Variants in PEG3 observed in about 807,000 individuals in gnomAD.
The protein encoded by PEG3 is paternally-expressed gene 3 protein.
In PEG3, 23 loss-of-function variants were observed where a neutral mutation model predicts 35.5. The ratio of observed to expected loss-of-function variants is 0.65; its 90% CI spans 0.47 to 0.92. PEG3 has a LOEUF of 0.92. Among genes scored for constraint, PEG3 ranks in the 40% least tolerant of loss-of-function variants. The pLI is 0.00. For missense variants in PEG3, 1,960 were observed against 1,985.3 expected, an observed-to-expected ratio of 0.99 and a Z score of 0.24; for synonymous variants, 707 against 697.0, an observed-to-expected ratio of 1.01 and a Z score of -0.23.
In PEG3 at chr19:56,816,006, A is replaced by G. The variant is rs761056901; in HGVS notation, c.2436T>C (p.Ala812=). 1 of 1,587,996 alleles carries G rather than the reference A, an allele frequency of 6.3e-7. No individual in the cohort carries two copies. ...MAESTIQSFD[A]INHQRVRAGG... is the part of the protein sequence containing the mutation. Reference sequence around the variant, plus strand: ...CAGCACGAACTCTCTGATGGTTGATAGCATCGAAGCTCTGAATGGTAGACT... The same window carrying G: ...CAGCACGAACTCTCTGATGGTTGATGGCATCGAAGCTCTGAATGGTAGACT... The change falls in exon 10 of 10, where the codon GCT becomes GCC. Residue 812 remains alanine, a synonymous_variant. Coordinates refer to ENST00000326441, the MANE Select transcript of PEG3 (RefSeq NM_006210.3).
intron 2 of PEG3, among the ~76,000 whole-genome samples, chr19:56,828,462 A>G (rs1268361765): frequency 6.6e-6 from 1 of 152,222 alleles, no homozygotes; most frequent in Non-Finnish European, 1.5e-5. Flanking sequence ...ATACAGTTCA[A>G]AAGTGTGTTC....
chr19:56,822,836 C>T lies in PEG3; in HGVS notation c.482G>A (p.Ser161Asn). 1 of 1,613,264 alleles carries T rather than the reference C, an allele frequency of 6.2e-7. No homozygotes were observed. The highest frequency in any genetic ancestry group is 8.5e-7 in the Non-Finnish European group (1 of 1,179,652). The change falls in exon 6 of 10, where the codon AGT becomes AAT. Residue 161 changes from serine (S) to asparagine (N), a missense_variant and splice_region_variant. Ser to Asn is a conservative substitution (Grantham distance 46). This residue lies in a region of PEG3 where 613 missense variants were observed against 577.1 expected (regional missense o/e 1.06). Coordinates refer to ENST00000326441, the MANE Select transcript of PEG3 (RefSeq NM_006210.3). The part of the protein sequence containing the change: ...SSPPHSVHSF[S>N]DRDWDRRGRS... ...GCCCCTCCGGTCCCAGTCCCGGTCA[C>T]CTAAGCAGGTGAGACATTCCAGTGG...
intron 2 of PEG3, among the ~76,000 whole-genome samples, chr19:56,832,803 A>G (rs908889460): frequency 1.3e-5 from 2 of 152,326 alleles, no homozygotes; most frequent in East Asian, 1.9e-4. Flanking sequence ...ATGTCTAAAC[A>G]TGAAACCTCT....
chr19:56,828,711 T>C (rs911880517), intron 2 of PEG3, among the ~76,000 whole-genome samples: 1 of 152,196 alleles, frequency 6.6e-6, no homozygotes, highest in Non-Finnish European at 1.5e-5. Flanking sequence ...CTTTTGGCAT[T>C]AGGAAAAATA....
At chr19:56,820,370 CT>C (rs576106556) in intron 7 of PEG3, among the ~76,000 whole-genome samples, 114 of 152,344 alleles carry the variant, frequency 7.5e-4, no homozygotes, top group Middle Eastern at 6.8e-3. Flanking sequence ...AGCTTCCAGA[CT>C]TTTAATTATG....
intron 2 of PEG3, among the ~76,000 whole-genome samples, chr19:56,834,833 G>A (rs1332800667): frequency 6.6e-6 from 1 of 152,078 alleles, no homozygotes; most frequent in African/African-American, 2.4e-5. Flanking sequence ...TCTTGTGATG[G>A]GAGTTTCCAT....
At chr19:56,820,171 T>C (rs1339765472) in intron 7 of PEG3, among the ~76,000 whole-genome samples, 1 of 152,250 alleles carries the variant, frequency 6.6e-6, no homozygotes, top group African/African-American at 2.4e-5. Context: ...ATGGAAGAGA[T>C]GCTGTTCTGA....
chr19:56,812,243 A>C lies in PEG3; in HGVS notation c.*1432T>G. The C allele has an allele frequency of 1.0e-6, 1 of 977,960 alleles. No homozygotes were observed. Among genetic ancestry groups the C allele is most frequent in the Non-Finnish European group, 1.2e-6 (1 of 823,202 alleles). The allele number at this position is 977,960 out of a possible 1,614,324, so 60.6% of individuals were successfully genotyped here. A position where few individuals can be genotyped will look rare whatever the true frequency, so the allele number is the denominator to read the frequency against. On this transcript the variant is annotated 3_prime_UTR_variant, in exon 10 of 10. Transcript: ENST00000326441. ...GCACAGGTAGTCCACAGAATAGGAC[A>C]CAAGAAACCTCAAGCTGTGAGGTCA...
At position 56,816,439 on chromosome 19, in the gene PEG3, G is replaced by T. The variant is rs762427851; in HGVS notation, c.2003C>A (p.Pro668His). Reference sequence around the variant, plus strand: ...CTGACGCCTTTTAAGGGACTGACCAGGAATAAAGGTTTCCTCACACACTTT... The same window carrying T: ...CTGACGCCTTTTAAGGGACTGACCATGAATAAAGGTTTCCTCACACACTTT... ...KGKVCEETFIPGQSLKRRQKT... is the reference protein window; with the variant it reads ...KGKVCEETFIHGQSLKRRQKT... The change falls in exon 10 of 10, where the codon CCT (proline) becomes CAT (histidine). Residue 668 changes from proline (P) to histidine (H), a missense_variant. By Grantham distance (77) the Pro-to-His change is moderately conservative (BLOSUM62 -2). This residue lies in a region of PEG3 where 798 missense variants were observed against 782.4 expected (regional missense o/e 1.02). Transcript: ENST00000326441. 2 of 1,614,010 alleles carry T rather than the reference G, an allele frequency of 1.2e-6. No homozygotes were observed. The highest frequency in any genetic ancestry group is 1.7e-6 in the Non-Finnish European group (2 of 1,179,946).
At position 56,814,472 on chromosome 19, in the gene PEG3, G is replaced by C. The variant is rs766736793; in HGVS notation, c.3970C>G (p.Pro1324Ala). 2.5e-6 allele frequency: 4 copies of C among 1,613,232 alleles called. No homozygotes were observed. In the Admixed American group the frequency reaches 6.7e-5, roughly 27 times the overall value. Residue 1324 changes from proline to alanine, a missense_variant, in exon 10 of 10, where the codon CCC becomes GCC. Transcript: ENST00000326441. This position sits in a 1 kb window ranked among gnomAD's most constrained non-coding sequence, Gnocchi z 5.8. ...TAGAATGGTATAGCTCCTTTGAGGG[G>C]CTCAGTAAGAAATGAGGTGTGAGTA... ...SYTHTSFLTE[P>A]LKGAIPFYEC...
intron 1 of PEG3, among the ~76,000 whole-genome samples, chr19:56,840,062 G>C: frequency 6.6e-6 from 1 of 152,194 alleles, no homozygotes; most frequent in East Asian, 1.9e-4. Flanking sequence ...GCACGCCGGC[G>C]CCGCGAGGCC....
At chr19:56,826,122 T>C (rs947856851) in intron 3 of PEG3, among the ~76,000 whole-genome samples, 2 of 152,124 alleles carry the variant, frequency 1.3e-5, no homozygotes, top group East Asian at 1.9e-4. Context: ...ACATAGATAA[T>C]GCTCTGCTGG....
At chr19:56,829,153 C>A (rs1245259468) in intron 2 of PEG3, among the ~76,000 whole-genome samples, 1 of 151,980 alleles carries the variant, frequency 6.6e-6, no homozygotes, top group East Asian at 1.9e-4. Flanking sequence ...GAGTTCGAGA[C>A]CAGCCTGGCC....
At chr19:56,829,219 C>A (rs1322652313) in intron 2 of PEG3, among the ~76,000 whole-genome samples, 1 of 151,624 alleles carries the variant, frequency 6.6e-6, no homozygotes, top group Non-Finnish European at 1.5e-5. Flanking sequence ...GGCGTGGTGG[C>A]AGTAATCCCA....
chr19:56,817,669 G>T, intron 9 of PEG3, 77 bp downstream of exon 9: 1 of 1,531,312 alleles, frequency 6.5e-7, no homozygotes, highest in Non-Finnish European at 9.0e-7. Flanking sequence ...TGATGTTTAG[G>T]AATGCAAAGT....
intron 1 of PEG3, among the ~76,000 whole-genome samples, chr19:56,839,883 C>T (rs2062776826): frequency 6.6e-6 from 1 of 152,272 alleles, no homozygotes; most frequent in Admixed American, 6.5e-5. Flanking sequence ...TTGCCCCGCC[C>T]CATCTGCCGC....
rs762513157 is a variant in PEG3 at position 56,815,872 on chromosome 19, T to C, written c.2570A>G (p.Glu857Gly). Reference protein sequence around the residue: ...HNGNELVESNEKGESSIYISD... With the variant: ...HNGNELVESNGKGESSIYISD... ...GATATAAATGGAGGATTCTCCCTTC[T>C]CATTAGATTCCACCAATTCATTTCC... Residue 857 changes from glutamate (E) to glycine (G), a missense_variant, in exon 10 of 10, where the codon GAG (glutamate) becomes GGG (glycine). Physicochemically the swap from Glu to Gly is moderately conservative, Grantham distance 98. Coordinates refer to ENST00000326441, the MANE Select transcript of PEG3 (RefSeq NM_006210.3). 1 of 1,613,448 alleles carries C rather than the reference T, an allele frequency of 6.2e-7. No homozygotes were observed. The highest frequency in any genetic ancestry group is 1.3e-5 in the African/African-American group (1 of 75,042).
At position 56,811,492 on chromosome 19, in the gene PEG3, G is replaced by A; in HGVS notation, c.*2183C>T. ...AGTTGCATTAAGTGTCCACAGATAG[G>A]TTTAAACAATCATTCTCTTGTTTAC... is the stretch of plus-strand genomic sequence containing the variant. On this transcript the variant is annotated 3_prime_UTR_variant, in exon 10 of 10. Transcript: ENST00000326441. The A allele has an allele frequency of 1.0e-6, 1 of 983,060 alleles. No individual in the cohort carries two copies. Among genetic ancestry groups the A allele is most frequent in the Non-Finnish European group, 1.2e-6 (1 of 827,908 alleles). 60.9% of individuals were successfully genotyped at this position (983,060 alleles called of 1,614,324 possible). A position where few individuals can be genotyped will look rare whatever the true frequency, so the allele number is the denominator to read the frequency against.
chr19:56,838,608 C>A (rs1314550270), intron 1 of PEG3, among the ~76,000 whole-genome samples: 1 of 152,214 alleles, frequency 6.6e-6, no homozygotes, highest in Non-Finnish European at 1.5e-5. Flanking sequence ...TGAGCCTCTG[C>A]CACCGTTAGC....
Sources: gnomAD v4.1 joint callset for allele counts (sites outside exome capture counted in the v4.1 genomes callset) on GRCh38, gnomAD v4.1.1 for gene constraint, gnomAD v4.1.1 regional missense constraint, Gnocchi (gnomAD v3.1) non-coding constraint, MANE v1.5 for transcripts, NCBI Gene and HGNC (gene_info 2026-07-23, HGNC 2026-07-21) for gene names.